The following GRID2 variants were observed in gnomAD, a reference collection of about 807,000 sequenced individuals.
GRID2 encodes the protein glutamate receptor ionotropic, delta-2.
GRID2 carries 33 observed loss-of-function variants against 114.8 expected under a neutral mutation model. The ratio of observed to expected loss-of-function variants is 0.29; its 90% CI spans 0.22 to 0.38. The LOEUF is 0.38. Among genes scored for constraint, GRID2 ranks in the 10% least tolerant of loss-of-function variants. The pLI, the probability that GRID2 is intolerant of heterozygous loss-of-function variation, is 1.00. For missense variants in GRID2, 1,184 were observed against 1,257.7 expected, an observed-to-expected ratio of 0.94 and a Z score of 0.89; for synonymous variants, 505 against 449.9, an observed-to-expected ratio of 1.12 and a Z score of -1.55.
chr4:93,329,497 A>G (rs1230388365), intron 8 of GRID2, among the ~76,000 whole-genome samples: 1 of 152,128 alleles, frequency 6.6e-6, no homozygotes, highest in Non-Finnish European at 1.5e-5. Context: ...TCATGCTATC[A>G]TGAAAGAAAA....
chr4:92,685,358 A>G (rs1451647569), intron 2 of GRID2, among the ~76,000 whole-genome samples: 1 of 152,068 alleles, frequency 6.6e-6, no homozygotes, highest in Admixed American at 6.5e-5. Context: ...GAAAGATGCT[A>G]CAATAAAAAA....
intron 13 of GRID2, among the ~76,000 whole-genome samples, chr4:93,516,280 A>G (rs758914734): frequency 4.6e-5 from 7 of 152,110 alleles, no homozygotes; most frequent in Non-Finnish European, 7.4e-5. Context: ...ATGTCATCCT[A>G]GAGGATATTT....
rs142894079 is a variant in GRID2 at position 93,544,702 on chromosome 4, G to A, written c.2193+29291G>A. ...TGAGGCAAGATAATTGCTTGAACTC[G>A]GGAGGCGGAGACTGCAGTGAGTCGA... On this transcript the variant is annotated intron_variant, in intron 13 of 15. Transcript: ENST00000282020. 7.5e-3 allele frequency among the ~76,000 whole-genome samples: 1,139 copies of A among 151,352 alleles called. 10 individuals are homozygous for A. Among genetic ancestry groups the A allele is most frequent in the South Asian group, 0.019 (89 of 4,798 alleles).
chr4:92,843,243 GA>G (rs1356684026), intron 2 of GRID2, among the ~76,000 whole-genome samples: 1 of 150,794 alleles, frequency 6.6e-6, no homozygotes, highest in African/African-American at 2.4e-5. Flanking sequence ...CTCTGTCTCC[GA>G]AAAAAAATAA....
intron 1 of GRID2, among the ~76,000 whole-genome samples, chr4:92,493,566 C>G (rs1723249057): frequency 6.6e-6 from 1 of 152,190 alleles, no homozygotes; most frequent in Admixed American, 6.5e-5. Flanking sequence ...GTCTTGCATC[C>G]TTGTGCATCA....
chr4:93,014,989 G>A (rs1030996342), intron 2 of GRID2, among the ~76,000 whole-genome samples: 1 of 152,118 alleles, frequency 6.6e-6, no homozygotes, highest in Non-Finnish European at 1.5e-5. Context: ...GTCAGTGGCA[G>A]AGGGATGGGA....
intron 2 of GRID2, among the ~76,000 whole-genome samples, chr4:92,814,071 T>C (rs2149381048): frequency 6.6e-6 from 1 of 152,226 alleles, no homozygotes; most frequent in East Asian, 1.9e-4. Context: ...TAACCCAAAG[T>C]CCATGAAGCA....
intron 1 of GRID2, among the ~76,000 whole-genome samples, chr4:92,540,057 A>G (rs1004172127): frequency 6.6e-6 from 1 of 152,194 alleles, no homozygotes; most frequent in African/African-American, 2.4e-5. Context: ...AGGATTCCCT[A>G]TTTAATAAAT....
chr4:92,590,429 T>G (rs1350296240), intron 2 of GRID2, 143 bp downstream of exon 2: 1 of 590,082 alleles, frequency 1.7e-6, no homozygotes, highest in African/African-American at 1.9e-5. Flanking sequence ...ATCACTGTTT[T>G]GTAGATGTTA....
chr4:92,940,980 T>C (rs1454053589), intron 2 of GRID2, among the ~76,000 whole-genome samples: 4 of 152,218 alleles, frequency 2.6e-5, no homozygotes, highest in African/African-American at 9.6e-5. Flanking sequence ...CAGTATTTTA[T>C]TGAGGATTTT....
rs1292469483 is a variant in GRID2 at position 93,630,352 on chromosome 4, T to C, written c.2360+3917T>C. On this transcript the variant is annotated intron_variant, in intron 14 of 15. Coordinates refer to ENST00000282020, the MANE Select transcript of GRID2 (RefSeq NM_001510.4). Reference sequence around the variant, plus strand: ...TCATATGTTGCCTCATTAAAGGCATTCAAGAATGAAGAAAACTGAATTTTT... The same window carrying C: ...TCATATGTTGCCTCATTAAAGGCATCCAAGAATGAAGAAAACTGAATTTTT... 2.0e-5 allele frequency among the ~76,000 whole-genome samples: 3 copies of C among 152,170 alleles called. No individual in the cohort carries two copies. In the East Asian group the frequency reaches 5.8e-4, roughly 29 times the overall value.
intron 9 of GRID2, among the ~76,000 whole-genome samples, chr4:93,396,147 ATCT>A (rs974894581): frequency 6.6e-6 from 1 of 152,018 alleles, no homozygotes; most frequent in Admixed American, 6.6e-5. Context: ...CAAACTAAGA[ATCT>A]TTTTCTCGTA....
chr4:92,736,414 T>C (rs1483356277), intron 2 of GRID2, among the ~76,000 whole-genome samples: 1 of 152,118 alleles, frequency 6.6e-6, no homozygotes, highest in Non-Finnish European at 1.5e-5. Context: ...TTTATCGTTT[T>C]AAGATGCTAA....
At chr4:93,308,515 G>A (rs568476279) in intron 8 of GRID2, among the ~76,000 whole-genome samples, 31 of 152,126 alleles carry the variant, frequency 2.0e-4, no homozygotes, top group African/African-American at 6.5e-4. Flanking sequence ...AGTGAGCTTC[G>A]GCTGCAGGTT....
At chr4:93,689,843 T>G (rs1340217430) in intron 14 of GRID2, among the ~76,000 whole-genome samples, 1 of 152,084 alleles carries the variant, frequency 6.6e-6, no homozygotes, top group African/African-American at 2.4e-5. Context: ...AATTCAGAAT[T>G]CCTGATTCTG....
At position 93,414,040 on chromosome 4, in the gene GRID2, G is replaced by C. The variant is rs957001832; in HGVS notation, c.1348-8731G>C. ...AGAAGTTAATACTCTTCCAAAGACT[G>C]ATGCCTCCACTGAGCACCTCTAGGA... On this transcript the variant is annotated intron_variant, in intron 9 of 15. Coordinates refer to ENST00000282020, the MANE Select transcript of GRID2 (RefSeq NM_001510.4). 1.8e-4 allele frequency among the ~76,000 whole-genome samples: 28 copies of C among 152,136 alleles called. 1 individual carries two copies. Among genetic ancestry groups the C allele is most frequent in the Admixed American group, 1.8e-3 (28 of 15,262 alleles).
intron 2 of GRID2, among the ~76,000 whole-genome samples, chr4:92,898,588 A>T (rs563408404): frequency 6.6e-6 from 1 of 152,272 alleles, no homozygotes; most frequent in South Asian, 2.1e-4. Context: ...AGGGTCTTTT[A>T]ATTGGATGAT....
At chr4:92,336,954 G>GTTTTTTTTTTTTTTTT (rs59093874) in intron 1 of GRID2, among the ~76,000 whole-genome samples, 15 of 78,152 alleles carry the variant, frequency 1.9e-4, no homozygotes, top group Non-Finnish European at 2.3e-4. Flanking sequence ...TTTCGTTGTT[G>GTTTTTTTTTTTTTTTT]TTTTTTTTTT....
At chr4:93,601,373 G>C (rs1739667212) in intron 13 of GRID2, among the ~76,000 whole-genome samples, 1 of 152,140 alleles carries the variant, frequency 6.6e-6, no homozygotes, top group Non-Finnish European at 1.5e-5. Flanking sequence ...TGGGTGTCCT[G>C]GAACATGTCC....
Sources: allele counts gnomAD v4.1 joint callset (sites outside exome capture counted in the v4.1 genomes callset), GRCh38; gene constraint gnomAD v4.1.1; transcripts MANE v1.5; gene names NCBI Gene and HGNC (gene_info 2026-07-23, HGNC 2026-07-21).